The following NLN variants were observed in gnomAD, a reference collection of about 807,000 sequenced individuals.
The protein encoded by NLN is neurolysin, mitochondrial.
In NLN, 64 loss-of-function variants were observed where a neutral mutation model predicts 79.9. That is an observed-to-expected ratio of 0.80 (90% CI 0.65 to 0.99). NLN has a LOEUF of 0.99. NLN is among the 50% of genes least tolerant of loss of function. The pLI is 0.00. For synonymous variants in NLN, 267 were observed against 296.6 expected (o/e 0.90, Z 1.02); for missense variants, 835 against 858.7 (o/e 0.97, Z 0.34).
At chr5:65,771,734 C>T (rs1339655885) in intron 3 of NLN, among the ~76,000 whole-genome samples, 1 of 151,936 alleles carries the variant, frequency 6.6e-6, no homozygotes, top group Non-Finnish European at 1.5e-5. Context: ...GAACCAGAAC[C>T]GACCGGGTAT....
chr5:65,799,032 C>T (rs1029515915), intron 9 of NLN, among the ~76,000 whole-genome samples: 2 of 152,062 alleles, frequency 1.3e-5, no homozygotes, highest in African/African-American at 4.8e-5. Flanking sequence ...CAGGCATGTA[C>T]CACTACACCA....
At chr5:65,764,644 C>T (rs34570932) in intron 3 of NLN, among the ~76,000 whole-genome samples, 5,912 of 152,220 alleles carry the variant, frequency 0.039, 164 homozygotes, top group Non-Finnish European at 0.054. Context: ...GACACCAATG[C>T]GTTCATCAGA....
At chr5:65,779,977 C>A in intron 4 of NLN, 1 of 410,392 alleles carries the variant, frequency 2.4e-6, no homozygotes, top group Non-Finnish European at 4.3e-6. Flanking sequence ...AAGCACACAC[C>A]ACCACATCCA....
Position 65,792,477 on chromosome 5 carries a change from C to T in NLN, c.1349C>T (p.Ala450Val), listed in dbSNP as rs1261790942. ...AGGGAAGGAAAATACAATCATGCGGCCTGCTTCGGTCTCCAGCCTGGCTGC... is the reference window on the plus strand; with the variant it reads ...AGGGAAGGAAAATACAATCATGCGGTCTGCTTCGGTCTCCAGCCTGGCTGC... ...YPREGKYNHA[A>V]CFGLQPGCLL... Residue 450 changes from alanine (A) to valine (V), a missense_variant, in exon 9 of 13, where the codon GCC (alanine) becomes GTC (valine). By Grantham distance (64) the Ala-to-Val change is moderately conservative (BLOSUM62 0). Transcript: ENST00000380985. 1.2e-6 allele frequency: 2 copies of T among 1,613,936 alleles called. No homozygotes were observed. The highest frequency in any genetic ancestry group is 4.5e-5 in the East Asian group (2 of 44,874).
intron 8 of NLN, among the ~76,000 whole-genome samples, chr5:65,789,337 A>G (rs570618743): frequency 6.6e-6 from 1 of 152,352 alleles, no homozygotes; most frequent in East Asian, 1.9e-4. Context: ...CCTGCTTTGT[A>G]TGGTCACTGT....
intron 1 of NLN, among the ~76,000 whole-genome samples, chr5:65,756,471 T>C (rs988969451): frequency 3.3e-5 from 5 of 152,190 alleles, no homozygotes; most frequent in African/African-American, 4.8e-5. Context: ...TATACTTTAA[T>C]CATGAGCCCC....
At chr5:65,804,210 T>C (rs781314234) in intron 9 of NLN, among the ~76,000 whole-genome samples, 2 of 152,246 alleles carry the variant, frequency 1.3e-5, no homozygotes, top group Non-Finnish European at 2.9e-5. Flanking sequence ...TTGTGGGTTA[T>C]GAAGTCAGAC....
intron 3 of NLN, among the ~76,000 whole-genome samples, chr5:65,766,364 A>G (rs186763202): frequency 3.3e-4 from 51 of 152,302 alleles, no homozygotes; most frequent in Admixed American, 9.2e-4. Flanking sequence ...CATGTCTTAC[A>G]TGATGTCAGG....
intron 9 of NLN, among the ~76,000 whole-genome samples, chr5:65,803,596 G>T (rs1338378530): frequency 1.3e-5 from 2 of 152,136 alleles, no homozygotes; most frequent in Non-Finnish European, 2.9e-5. Context: ...ACCCAGGAGG[G>T]TGGGGCTCCT....
intron 1 of NLN, among the ~76,000 whole-genome samples, chr5:65,738,718 T>C (rs2150736539): frequency 6.6e-6 from 1 of 151,782 alleles, no homozygotes; most frequent in East Asian, 1.9e-4. Context: ...AACTCCCTCC[T>C]TTCACCAGCA....
At chr5:65,757,314 A>G (rs1448452108) in intron 1 of NLN, among the ~76,000 whole-genome samples, 1 of 152,232 alleles carries the variant, frequency 6.6e-6, no homozygotes, top group South Asian at 2.1e-4. Context: ...GAAGCTTAGC[A>G]TAGTGGTTAA....
In NLN at chr5:65,734,353, T is replaced by C. The variant is rs1758680862; in HGVS notation, c.41+11939T>C. On this transcript the variant is annotated intron_variant, in intron 1 of 12. Coordinates refer to ENST00000380985, the MANE Select transcript of NLN (RefSeq NM_020726.5). ...ATGTGTTTCAGGCACGTGCTGACTG[T>C]GAGTGGAAAAACAAAGGTGACTCAG... Among the ~76,000 whole-genome samples the C allele has an allele frequency of 1.5e-5, 2 of 137,344 alleles. 1 individual carries two copies. The highest frequency in any genetic ancestry group is 5.6e-5 in the African/African-American group (2 of 35,824). The allele number at this position is 137,344 out of a possible 152,430, so 90.1% of individuals were successfully genotyped here.
intron 1 of NLN, among the ~76,000 whole-genome samples, chr5:65,747,325 A>C (rs1006737478): frequency 6.6e-6 from 1 of 152,082 alleles, no homozygotes; most frequent in Non-Finnish European, 1.5e-5. Flanking sequence ...TTGTGGGTGG[A>C]TTTTCCTGAA....
chr5:65,766,382 G>A (rs1759450439), intron 3 of NLN, among the ~76,000 whole-genome samples: 1 of 152,170 alleles, frequency 6.6e-6, no homozygotes, highest in Non-Finnish European at 1.5e-5. Flanking sequence ...AGGAGAGAGA[G>A]CACAGGGGAA....
chr5:65,781,559 C>A (rs572958938), intron 6 of NLN, 138 bp downstream of exon 6: 2 of 671,772 alleles, frequency 3.0e-6, no homozygotes, highest in South Asian at 1.8e-5. Flanking sequence ...CTCAGACTTA[C>A]AAGACTTTTA....
At chr5:65,737,541 A>G (rs6876708) in intron 1 of NLN, among the ~76,000 whole-genome samples, 4,525 of 152,314 alleles carry the variant, frequency 0.03, 75 homozygotes, top group East Asian at 0.056. Context: ...AAATAAATAT[A>G]TTCATTGAAT....
At chr5:65,784,533 C>T (rs992362048) in intron 6 of NLN, among the ~76,000 whole-genome samples, 25 of 152,044 alleles carry the variant, frequency 1.6e-4, no homozygotes, top group African/African-American at 5.8e-4. Flanking sequence ...TTTTCTATAT[C>T]CTCACATGGC....
In NLN at chr5:65,809,536, G is replaced by T; in HGVS notation, c.1549G>T (p.Gly517Ter). 3 of 1,602,356 alleles carry T rather than the reference G, an allele frequency of 1.9e-6. No individual in the cohort carries two copies. The highest frequency in any genetic ancestry group is 2.5e-6 in the Non-Finnish European group (3 of 1,176,832). ...CTAGACTGATTTTGCACGATTTAGC[G>T]GAACAAATGTGGAAACTGACTTTGT... ...CAQTDFARFS[G>*]TNVETDFVEV... Residue 517 changes from glycine to a stop codon, truncating the protein, a stop_gained, in exon 10 of 13, where the codon GGA becomes TGA. Transcript: ENST00000380985. LOFTEE classifies it high-confidence loss of function.
At chr5:65,814,890 C>T (rs1760635070) in intron 12 of NLN, among the ~76,000 whole-genome samples, 1 of 151,976 alleles carries the variant, frequency 6.6e-6, no homozygotes, top group Non-Finnish European at 1.5e-5. Context: ...TTATACCATA[C>T]AATACGAATG....
Sources: gnomAD v4.1 joint callset for allele counts (sites outside exome capture counted in the v4.1 genomes callset) on GRCh38, gnomAD v4.1.1 for gene constraint, MANE v1.5 for transcripts, NCBI Gene and HGNC (gene_info 2026-07-23, HGNC 2026-07-21) for gene names.